CFAP77: variants seen among roughly 807,000 people sequenced by gnomAD.
CFAP77 encodes the protein cilia- and flagella-associated protein 77.
In CFAP77, 25 loss-of-function variants were observed where a neutral mutation model predicts 31.1. That is an observed-to-expected ratio of 0.80 (90% CI 0.59 to 1.12). The LOEUF (loss-of-function observed/expected upper bound fraction) is 1.12. Ranked by LOEUF, CFAP77 falls within the 50% of genes most tolerant of loss-of-function variation. The pLI is 0.00. For missense variants in CFAP77, 377 were observed against 397.3 expected (o/e 0.95, Z 0.44); for synonymous variants, 151 against 159.9 (o/e 0.94, Z 0.42).
chr9:132,548,602 T>C (rs946129905), intron 5 of CFAP77, among the ~76,000 whole-genome samples: 4 of 152,114 alleles, frequency 2.6e-5, no homozygotes, highest in African/African-American at 7.2e-5. Flanking sequence ...CCTGGATCTT[T>C]ATTATAAAAT....
At chr9:132,504,808 G>T (rs1363135062) in intron 3 of CFAP77, among the ~76,000 whole-genome samples, 2 of 152,084 alleles carry the variant, frequency 1.3e-5, no homozygotes, top group Non-Finnish European at 2.9e-5. Flanking sequence ...CCACCTTGCA[G>T]CATAAGTGCG....
chr9:132,438,235 A>G (rs1409956810), intron 1 of CFAP77, among the ~76,000 whole-genome samples: 10 of 150,628 alleles, frequency 6.6e-5, no homozygotes, highest in Admixed American at 6.6e-4. Context: ...ATTGGAAAAT[A>G]ATTAGAAAGT....
At chr9:132,416,225 C>T (rs1336976468) in intron 1 of CFAP77, among the ~76,000 whole-genome samples, 1 of 149,828 alleles carries the variant, frequency 6.7e-6, no homozygotes, top group African/African-American at 2.4e-5. Flanking sequence ...GTTGGCTGGA[C>T]AAAAACAAGG....
At chr9:132,466,934 T>C (rs1167384245) in intron 1 of CFAP77, among the ~76,000 whole-genome samples, 1 of 152,156 alleles carries the variant, frequency 6.6e-6, no homozygotes, top group Non-Finnish European at 1.5e-5. Context: ...TCCCAGCACT[T>C]TGGGAGGCCG....
At position 132,514,621 on chromosome 9, in the gene CFAP77, G is replaced by A. The variant is rs188998348; in HGVS notation, c.524+15021G>A. Among the ~76,000 whole-genome samples, 253 of 152,158 alleles carry A rather than the reference G, an allele frequency of 1.7e-3. 1 individual carries two copies. The highest frequency in any genetic ancestry group is 2.9e-3 in the Non-Finnish European group (196 of 68,002). On this transcript the variant is annotated intron_variant, in intron 3 of 5. Transcript: ENST00000393216. The stretch of plus-strand genomic sequence containing the variant: ...GCCGCCTGCTGCCTGCACCGGTGCC[G>A]GAACTGCTAATTGAATTCATCCTTG...
Position 132,572,873 on chromosome 9 carries a change from A to G in CFAP77, c.*363A>G, listed in dbSNP as rs1249604749. 1.5e-5 allele frequency: 4 copies of G among 263,160 alleles called. No homozygotes were observed. Among genetic ancestry groups the G allele is most frequent in the African/African-American group, 8.9e-5 (4 of 44,802 alleles). 16.3% of individuals were successfully genotyped at this position (263,160 alleles called of 1,614,324 possible). A position where few individuals can be genotyped will look rare whatever the true frequency, so the allele number is the denominator to read the frequency against. On this transcript the variant is annotated 3_prime_UTR_variant, in exon 6 of 6. Transcript: ENST00000393216. Reference sequence around the variant, plus strand: ...GTCGATTCCATGGCTCTGCCCATTAAGTGTTAAGAACGACCTGTGTATTTG... The same window carrying G: ...GTCGATTCCATGGCTCTGCCCATTAGGTGTTAAGAACGACCTGTGTATTTG...
chr9:132,528,800 C>T (rs1345221640), intron 3 of CFAP77, among the ~76,000 whole-genome samples: 9 of 75,092 alleles, frequency 1.2e-4, no homozygotes, highest in African/African-American at 4.6e-4. Flanking sequence ...ATCAAAACCA[C>T]GATGAGATAT....
intron 3 of CFAP77, among the ~76,000 whole-genome samples, chr9:132,519,250 A>G (rs1461599592): frequency 4.3e-4 from 22 of 51,368 alleles, no homozygotes; most frequent in Admixed American, 3.1e-3. Flanking sequence ...ATGGATGGAT[A>G]GGTGGATGGA....
At chr9:132,451,292 C>T (rs866337094) in intron 1 of CFAP77, among the ~76,000 whole-genome samples, 113 of 149,712 alleles carry the variant, frequency 7.5e-4, no homozygotes, top group African/African-American at 2.6e-3. Flanking sequence ...GAGCTGAGAT[C>T]GCGCCATTGC....
At chr9:132,506,376 G>A (rs770992240) in intron 3 of CFAP77, among the ~76,000 whole-genome samples, 69 of 152,322 alleles carry the variant, frequency 4.5e-4, no homozygotes, top group African/African-American at 1.5e-3. Flanking sequence ...ATGTTCGCAT[G>A]CCCTCGGCAC....
At chr9:132,572,262 TCCTC>T in intron 5 of CFAP77, 122 bp from the exon 6 acceptor site, 1 of 1,215,052 alleles carries the variant, frequency 8.2e-7, no homozygotes, top group South Asian at 1.5e-5. Context: ...TGCTGTGACT[TCCTC>T]CCTCTTACAG....
intron 3 of CFAP77, among the ~76,000 whole-genome samples, chr9:132,521,778 T>TTTTTTTTTTTTTTTG (rs533275755): frequency 1.9e-5 from 2 of 106,118 alleles, no homozygotes; most frequent in East Asian, 4.3e-4. Flanking sequence ...TTTTTTTTTT[T>TTTTTTTTTTTTTTTG]TTTTTTGAGA....
chr9:132,497,214 T>C lies in CFAP77; in HGVS notation c.196-1481T>C, dbSNP rs2118955321. Reference sequence around the variant, plus strand: ...GGGTTGGAGGGTGCAGGGCCTGGACTGCCAGCAGAGGGAAGGGTTTATTTC... The same window carrying C: ...GGGTTGGAGGGTGCAGGGCCTGGACCGCCAGCAGAGGGAAGGGTTTATTTC... On this transcript the variant is annotated intron_variant, in intron 1 of 5. Transcript: ENST00000393216. This position sits in a 1 kb window ranked among gnomAD's most constrained non-coding sequence, Gnocchi z 4.9. Among the ~76,000 whole-genome samples the C allele has an allele frequency of 6.6e-6, 1 of 152,150 alleles. No individual in the cohort carries two copies. The highest frequency in any genetic ancestry group is 6.5e-5 in the Admixed American group (1 of 15,284).
intron 5 of CFAP77, among the ~76,000 whole-genome samples, chr9:132,560,515 G>A (rs1246380392): frequency 6.6e-6 from 1 of 152,312 alleles, no homozygotes; most frequent in Non-Finnish European, 1.5e-5. Context: ...ACTGGCCTTC[G>A]CTAATCCTTG....
rs751278499 is a variant in CFAP77, at chr9:132,517,820, AT to A, written c.524+18221del. Among the ~76,000 whole-genome samples, 7 of 152,208 alleles carry A rather than the reference AT, an allele frequency of 4.6e-5. No homozygotes were observed. The highest frequency in any genetic ancestry group is 1.0e-4 in the Non-Finnish European group (7 of 68,046). ...ATGATAATTTCCATTTCCCCTGCAC[AT>A]CCCCTGTGCCTGCATCGGAGATCAA... On this transcript the variant is annotated intron_variant, in intron 3 of 5. Coordinates refer to ENST00000393216, the MANE Select transcript of CFAP77 (RefSeq NM_001282957.2). The surrounding 1 kb of genome is among the most constrained non-coding windows in gnomAD (Gnocchi z 4.7).
At chr9:132,535,036 G>T (rs919704253) in intron 3 of CFAP77, among the ~76,000 whole-genome samples, 5 of 152,220 alleles carry the variant, frequency 3.3e-5, no homozygotes, top group African/African-American at 1.2e-4. Context: ...GGCACTTAGA[G>T]ACCACAGTCT....
intron 1 of CFAP77, among the ~76,000 whole-genome samples, chr9:132,465,429 A>G (rs1281054602): frequency 6.6e-6 from 1 of 152,214 alleles, no homozygotes; most frequent in Non-Finnish European, 1.5e-5. Flanking sequence ...CCTGTGGAGT[A>G]TGATACAGCC....
intron 3 of CFAP77, among the ~76,000 whole-genome samples, chr9:132,518,591 G>T (rs950178880): frequency 6.6e-6 from 1 of 152,168 alleles, no homozygotes; most frequent in Non-Finnish European, 1.5e-5. Flanking sequence ...GGAGGGCTTG[G>T]TATAGAAAGT....
chr9:132,425,902 C>T (rs1044420360), intron 1 of CFAP77, among the ~76,000 whole-genome samples: 2 of 152,156 alleles, frequency 1.3e-5, no homozygotes, highest in Non-Finnish European at 1.5e-5. Flanking sequence ...CTCAGACGGC[C>T]CTCTCCCTGG....
Sources: allele counts gnomAD v4.1 joint callset (sites outside exome capture counted in the v4.1 genomes callset), GRCh38; gene constraint gnomAD v4.1.1; non-coding constraint Gnocchi (gnomAD v3.1); transcripts MANE v1.5; gene names NCBI Gene and HGNC (gene_info 2026-07-23, HGNC 2026-07-21).